Variants in ZNF366 observed in about 807,000 individuals in gnomAD.
The protein encoded by ZNF366 is dendritic cell-specific transcript protein.
ZNF366 carries 20 observed loss-of-function variants against 47.2 expected under a neutral mutation model. The ratio of observed to expected loss-of-function variants is 0.42; its 90% CI spans 0.30 to 0.62. The LOEUF is 0.62. ZNF366 is among the 20% of genes least tolerant of loss of function. The probability of loss-of-function intolerance (pLI) is 0.16; values close to 1 mark genes in which losing one functional copy is unlikely to be tolerated. For missense variants in ZNF366, 987 were observed against 976.3 expected (o/e 1.01, Z -0.15); for synonymous variants, 421 against 395.1 (o/e 1.07, Z -0.78).
chr5:72,495,494 C>T lies in ZNF366; in HGVS notation c.-15+11757G>A, dbSNP rs138895415. Among the ~76,000 whole-genome samples the T allele has an allele frequency of 1.7e-3, 266 of 152,214 alleles. 1 individual carries two copies. Among genetic ancestry groups the T allele is most frequent in the Middle Eastern group, 6.8e-3 (2 of 294 alleles). Reference sequence around the variant, plus strand: ...CCTGTATACTGTCTTGTGTGTTTGCCCCTAGCTTTCTAGGCTGCCGTTTCA... The same window carrying T: ...CCTGTATACTGTCTTGTGTGTTTGCTCCTAGCTTTCTAGGCTGCCGTTTCA... On this transcript the variant is annotated intron_variant, in intron 1 of 4. Coordinates refer to ENST00000318442, the MANE Select transcript of ZNF366 (RefSeq NM_152625.3).
chr5:72,478,713 A>G (rs1743724424), intron 1 of ZNF366, among the ~76,000 whole-genome samples: 1 of 152,198 alleles, frequency 6.6e-6, no homozygotes, highest in African/African-American at 2.4e-5. Context: ...TAGGTGAAAG[A>G]TTTTTGCAAA....
chr5:72,452,726 G>C (rs972152364), intron 3 of ZNF366, among the ~76,000 whole-genome samples: 3 of 152,192 alleles, frequency 2.0e-5, no homozygotes, highest in African/African-American at 4.8e-5. Context: ...GGCAGCTGCC[G>C]GCTTCACCCA....
At chr5:72,472,360 G>A (rs546404065) in intron 1 of ZNF366, among the ~76,000 whole-genome samples, 1 of 152,042 alleles carries the variant, frequency 6.6e-6, no homozygotes, top group African/African-American at 2.4e-5. Flanking sequence ...TTCTTTTTTT[G>A]TGTGTTTTTA....
intron 1 of ZNF366, among the ~76,000 whole-genome samples, chr5:72,467,135 T>C (rs371926910): frequency 6.6e-6 from 1 of 152,232 alleles, no homozygotes; most frequent in East Asian, 1.9e-4. Flanking sequence ...GAGAAGACTT[T>C]AGAATAATCA....
At chr5:72,474,552 G>C (rs553152884) in intron 1 of ZNF366, among the ~76,000 whole-genome samples, 1 of 152,026 alleles carries the variant, frequency 6.6e-6, no homozygotes, top group African/African-American at 2.4e-5. Flanking sequence ...AGAAAGGAAG[G>C]TTACTGTAAT....
rs112700340 is a variant in ZNF366 at position 72,468,398 on chromosome 5, A to T, written c.-14-6888T>A. Among the ~76,000 whole-genome samples the T allele has an allele frequency of 3.9e-3, 599 of 152,330 alleles. 10 individuals carry two copies. Among genetic ancestry groups the T allele is most frequent in the African/African-American group, 0.014 (571 of 41,566 alleles). On this transcript the variant is annotated intron_variant, in intron 1 of 4. Transcript: ENST00000318442. ...AATCTGTCAGCCCATGATGTGGACC[A>T]AGTCCTCTAGGTGGCCAGAAAATAC...
chr5:72,506,214 C>A (rs948917681), intron 1 of ZNF366, among the ~76,000 whole-genome samples: 2 of 152,148 alleles, frequency 1.3e-5, no homozygotes, highest in African/African-American at 4.8e-5. Flanking sequence ...TGGCCATTGG[C>A]TTTTACCCAT....
At chr5:72,471,663 T>G (rs933972369) in intron 1 of ZNF366, among the ~76,000 whole-genome samples, 2 of 152,206 alleles carry the variant, frequency 1.3e-5, no homozygotes, top group Non-Finnish European at 2.9e-5. Flanking sequence ...CTTTTGCAAC[T>G]TATACTTCTA....
chr5:72,452,770 T>C (rs1743100375), intron 3 of ZNF366, among the ~76,000 whole-genome samples: 1 of 152,236 alleles, frequency 6.6e-6, no homozygotes, highest in Admixed American at 6.5e-5. Context: ...AAATTCTGGA[T>C]GGCTGTTTTT....
rs532993648 is a variant in ZNF366 at position 72,483,926 on chromosome 5, TA to T, written c.-14-22417del. Among the ~76,000 whole-genome samples, 309 of 148,860 alleles carry T rather than the reference TA, an allele frequency of 2.1e-3. 1 individual carries two copies. Among genetic ancestry groups the T allele is most frequent in the Middle Eastern group, 0.01 (3 of 288 alleles). On this transcript the variant is annotated intron_variant, in intron 1 of 4. Transcript: ENST00000318442. ...ATCTAAGAAAGTCTGAAGATCTACT[TA>T]AAAAAAAAACTTTTTATTAAGGAAA...
intron 4 of ZNF366, among the ~76,000 whole-genome samples, chr5:72,446,901 G>A (rs1052305610): frequency 6.6e-6 from 1 of 152,180 alleles, no homozygotes; most frequent in African/African-American, 2.4e-5. Flanking sequence ...ATCTCTTGAA[G>A]CCTTCATTCC....
chr5:72,462,623 T>C (rs1351350592), intron 1 of ZNF366, among the ~76,000 whole-genome samples: 1 of 150,274 alleles, frequency 6.7e-6, no homozygotes, highest in Non-Finnish European at 1.5e-5. Context: ...CAATCTTAGC[T>C]TACTGCAATA....
chr5:72,480,276 C>A (rs1743766076), intron 1 of ZNF366, among the ~76,000 whole-genome samples: 1 of 152,214 alleles, frequency 6.6e-6, no homozygotes, highest in South Asian at 2.1e-4. Context: ...TTCTGAGAGA[C>A]TGGATGCCAC....
intron 1 of ZNF366, among the ~76,000 whole-genome samples, chr5:72,489,807 C>A (rs1561203326): frequency 6.6e-6 from 1 of 152,214 alleles, no homozygotes; most frequent in Non-Finnish European, 1.5e-5. Context: ...AAGAAAAGAG[C>A]TAAGGGTCTT....
At chr5:72,447,202 C>T (rs768690587) in intron 4 of ZNF366, 41 bp downstream of exon 4, 3 of 1,607,634 alleles carry the variant, frequency 1.9e-6, no homozygotes, top group Non-Finnish European at 2.6e-6. Context: ...CATTTGTTGT[C>T]CACTGGACTG....
chr5:72,488,004 G>A (rs867962413), intron 1 of ZNF366, among the ~76,000 whole-genome samples: 23 of 152,058 alleles, frequency 1.5e-4, no homozygotes, highest in African/African-American at 5.1e-4. Context: ...TCAGGAGTTC[G>A]AGACCAGCCT....
intron 2 of ZNF366, among the ~76,000 whole-genome samples, chr5:72,459,884 T>C (rs935902874): frequency 6.6e-6 from 1 of 152,222 alleles, no homozygotes; most frequent in Non-Finnish European, 1.5e-5. Context: ...CTAGGGAGCA[T>C]CCTTCCTCAT....
In ZNF366 at chr5:72,460,363, G is replaced by C; in HGVS notation, c.1134C>G (p.Ala378=). Residue 378 remains alanine, a synonymous_variant, in exon 2 of 5, where the codon GCC becomes GCG. Coordinates refer to ENST00000318442, the MANE Select transcript of ZNF366 (RefSeq NM_152625.3). ...VECGLDFPTL[A]QLKRHLTTHR... ...GCGTGGTGAGGTGTCTCTTCAGCTG[G>C]GCCAAGGTGGGGAAGTCGAGGCCGC... is the stretch of plus-strand genomic sequence containing the variant. 1 of 1,614,256 alleles carries C rather than the reference G, an allele frequency of 6.2e-7. No homozygotes were observed. The highest frequency in any genetic ancestry group is 8.5e-7 in the Non-Finnish European group (1 of 1,180,048).
At chr5:72,486,617 G>A (rs1298252709) in intron 1 of ZNF366, among the ~76,000 whole-genome samples, 1 of 152,160 alleles carries the variant, frequency 6.6e-6, no homozygotes, top group Non-Finnish European at 1.5e-5. Flanking sequence ...CATGTGTACA[G>A]GAAAGGACAG....
Sources: gnomAD v4.1 joint callset for allele counts (sites outside exome capture counted in the v4.1 genomes callset) on GRCh38, gnomAD v4.1.1 for gene constraint, MANE v1.5 for transcripts, NCBI Gene and HGNC (gene_info 2026-07-23, HGNC 2026-07-21) for gene names.